The following SUPT5H variants were observed in gnomAD, a reference collection of about 807,000 sequenced individuals.
SUPT5H encodes the protein SPT5 homolog, DSIF elongation factor subunit, also known as transcription elongation factor SPT5.
In SUPT5H, 24 loss-of-function variants were observed where a neutral mutation model predicts 142.5. That is an observed-to-expected ratio of 0.17 (90% CI 0.12 to 0.24). The LOEUF is 0.24. Among genes scored for constraint, SUPT5H ranks in the 10% least tolerant of loss-of-function variants. The pLI is 1.00. For missense variants in SUPT5H, 893 were observed against 1,471.8 expected (o/e 0.61, Z 6.43); for synonymous variants, 546 against 553.0 (o/e 0.99, Z 0.18).
chr19:39,458,100 G>A lies in SUPT5H; in HGVS notation c.308-194G>A. 6 of 960,458 alleles carry A rather than the reference G, an allele frequency of 6.2e-6. No individual in the cohort carries two copies. The allele number at this position is 960,458 out of a possible 1,614,324, so 59.5% of individuals were successfully genotyped here. On this transcript the variant is annotated intron_variant, in intron 4 of 29. Transcript: ENST00000432763. The surrounding 1 kb of genome is among the most constrained non-coding windows in gnomAD (Gnocchi z 4.2). ...CGTTCTGTGCGCCTCATACATTTCG[G>A]CTTCTCCCCAACCACCTGGTGCCTG...
chr19:39,446,162 C>G lies in SUPT5H; in HGVS notation c.75+197C>G, dbSNP rs78506322. 5.8e-3 allele frequency among the ~76,000 whole-genome samples: 878 copies of G among 152,116 alleles called. 12 individuals are homozygous for G. The highest frequency in any genetic ancestry group is 0.02 in the African/African-American group (849 of 41,488). On this transcript the variant is annotated intron_variant, in intron 2 of 29. Transcript: ENST00000432763. ...TCTGGAGGCCAGAAATGGGTCAGGT[C>G]CAGTGAGATAACAGGTGATGTTTTG...
chr19:39,454,750 A>G (rs781121636), intron 3 of SUPT5H, among the ~76,000 whole-genome samples: 2 of 152,126 alleles, frequency 1.3e-5, no homozygotes, highest in Non-Finnish European at 2.9e-5. Context: ...GTTTTCCCTT[A>G]CCTATGGGAA....
At chr19:39,459,842 T>A (rs1057228340) in intron 9 of SUPT5H, 50 bp from the exon 10 acceptor site, 4 of 1,595,520 alleles carry the variant, frequency 2.5e-6, no homozygotes, top group Non-Finnish European at 3.4e-6. Flanking sequence ...CTTTCCTGTG[T>A]CCTTTCCTCC....
chr19:39,452,707 A>G lies in SUPT5H; in HGVS notation c.76-649A>G, dbSNP rs534693045. On this transcript the variant is annotated intron_variant, in intron 2 of 29. Transcript: ENST00000432763. Reference sequence around the variant, plus strand: ...GGGAGAGGACGAGATGGCCTTGGGGAGTTGTAGAATGGGAAGAGATGGGCC... The same window carrying G: ...GGGAGAGGACGAGATGGCCTTGGGGGGTTGTAGAATGGGAAGAGATGGGCC... Among the ~76,000 whole-genome samples, 30 of 151,992 alleles carry G rather than the reference A, an allele frequency of 2.0e-4. No homozygotes were observed. The South Asian group carries it at 5.6e-3, about 28-fold the overall frequency.
chr19:39,460,214 C>T (rs2146097542), intron 10 of SUPT5H: 2 of 492,532 alleles, frequency 4.1e-6, no homozygotes, highest in East Asian at 7.3e-5. Flanking sequence ...AGCCAGCTAG[C>T]TTCCTGCACC....
chr19:39,452,247 T>C (rs2079030910), intron 2 of SUPT5H, among the ~76,000 whole-genome samples: 1 of 152,146 alleles, frequency 6.6e-6, no homozygotes, highest in Admixed American at 6.6e-5. Flanking sequence ...AGGATGCTGC[T>C]GGTGCATGGA....
At chr19:39,455,633 T>TG (rs1325883414) in intron 3 of SUPT5H, among the ~76,000 whole-genome samples, 1 of 151,724 alleles carries the variant, frequency 6.6e-6, no homozygotes, top group Non-Finnish European at 1.5e-5. Flanking sequence ...TCTTCTTTTT[T>TG]TTTTTTTGAG....
intron 10 of SUPT5H, among the ~76,000 whole-genome samples, chr19:39,462,324 A>C (rs900308498): frequency 6.6e-6 from 1 of 152,130 alleles, no homozygotes; most frequent in African/African-American, 2.4e-5. Flanking sequence ...AAATAAACCG[A>C]TACCCATTAG....
Position 39,471,343 on chromosome 19 carries a change from C to T in SUPT5H, c.1678-14C>T, listed in dbSNP as rs769164951. The T allele has an allele frequency of 1.9e-6, 3 of 1,614,160 alleles. No homozygotes were observed. Among genetic ancestry groups the T allele is most frequent in the South Asian group, 1.1e-5 (1 of 91,078 alleles). ...CATTCTCACCCCCACAGCCTCCCTGCTCTCCCTCTGTAGGTGCTGAACATG... is the reference window on the plus strand; with the variant it reads ...CATTCTCACCCCCACAGCCTCCCTGTTCTCCCTCTGTAGGTGCTGAACATG... On this transcript the variant is annotated splice_polypyrimidine_tract_variant and intron_variant, in intron 18 of 29. Transcript: ENST00000432763.
In SUPT5H at chr19:39,470,032, C is replaced by A. The variant is rs1221532102; in HGVS notation, c.1375-87C>A. The A allele has an allele frequency of 1.3e-6, 2 of 1,520,602 alleles. No individual in the cohort carries two copies. Among genetic ancestry groups the A allele is most frequent in the Non-Finnish European group, 1.8e-6 (2 of 1,119,444 alleles). The allele number at this position is 1,520,602 out of a possible 1,614,324, so 94.2% of individuals were successfully genotyped here. On this transcript the variant is annotated intron_variant, in intron 16 of 29. Coordinates refer to ENST00000432763, the MANE Select transcript of SUPT5H (RefSeq NM_001111020.3). This position sits in a 1 kb window ranked among gnomAD's most constrained non-coding sequence, Gnocchi z 5.8. ...GAGCCTGAAGTGGGGTTTTTGAGAACATGCGTAGATTCTGAAGACAGGAGG... is the reference window on the plus strand; with the variant it reads ...GAGCCTGAAGTGGGGTTTTTGAGAAAATGCGTAGATTCTGAAGACAGGAGG...
Position 39,476,319 on chromosome 19 carries a change from G to T in SUPT5H, c.3184G>T (p.Asp1062Tyr). 6.2e-7 allele frequency: 1 copy of T among 1,614,160 alleles called. No homozygotes were observed. The highest frequency in any genetic ancestry group is 8.5e-7 in the Non-Finnish European group (1 of 1,180,034). ...CGTCCTACTGAGCATTGATGGTGAGGATGGCATTGTCCGTATGGACCTTGA... is the reference window on the plus strand; with the variant it reads ...CGTCCTACTGAGCATTGATGGTGAGTATGGCATTGTCCGTATGGACCTTGA... ...TGVLLSIDGE[D>Y]GIVRMDLDEQ... is the part of the protein sequence containing the mutation. Residue 1062 changes from aspartate to tyrosine, a missense_variant, in exon 30 of 30, where the codon GAT becomes TAT. By Grantham distance (160) the Asp-to-Tyr change is radical (BLOSUM62 -3). Coordinates refer to ENST00000432763, the MANE Select transcript of SUPT5H (RefSeq NM_001111020.3).
chr19:39,471,818 C>T, intron 20 of SUPT5H, 88 bp downstream of exon 20: 2 of 1,505,556 alleles, frequency 1.3e-6, no homozygotes, highest in Middle Eastern at 2.0e-4. Context: ...TAAGATTGGG[C>T]TTGTGAGGGA....
chr19:39,450,565 G>C (rs893915038), intron 2 of SUPT5H, among the ~76,000 whole-genome samples: 2 of 152,242 alleles, frequency 1.3e-5, no homozygotes, highest in African/African-American at 4.8e-5. Context: ...GGTGGGGAAC[G>C]GGGAGAGGCA....
Position 39,471,682 on chromosome 19 carries a change from C to A in SUPT5H, c.1902C>A (p.Gly634=), listed in dbSNP as rs559817184. 2 of 1,614,178 alleles carry A rather than the reference C, an allele frequency of 1.2e-6. No homozygotes were observed. Among genetic ancestry groups the A allele is most frequent in the African/African-American group, 1.3e-5 (1 of 75,056 alleles). Residue 634 remains glycine (G), a synonymous_variant, in exon 20 of 30, where the codon GGC becomes GGA. Coordinates refer to ENST00000432763, the MANE Select transcript of SUPT5H (RefSeq NM_001111020.3). ...LHCKKLVENG[G]MFVCKTRHLV... ...GCAAGAAACTGGTGGAGAACGGGGGCATGTTTGTCTGCAAGACCCGCCACC... is the reference window on the plus strand; with the variant it reads ...GCAAGAAACTGGTGGAGAACGGGGGAATGTTTGTCTGCAAGACCCGCCACC...
rs373099816 is a variant in SUPT5H, at chr19:39,472,755, GC to G, written c.2036-52del. 13 of 1,572,450 alleles carry G rather than the reference GC, an allele frequency of 8.3e-6. No individual in the cohort carries two copies. The African/African-American group carries it at 1.8e-4, about 21-fold the overall frequency. ...CAAGTGAAGGGGACGTTCTGATGGT[GC>G]CCTTGCTGTGGGCACAGCCGTGGGG... is the stretch of plus-strand genomic sequence containing the variant. On this transcript the variant is annotated intron_variant, in intron 21 of 29. Coordinates refer to ENST00000432763, the MANE Select transcript of SUPT5H (RefSeq NM_001111020.3). The surrounding 1 kb of genome is among the most constrained non-coding windows in gnomAD (Gnocchi z 4.2).
intron 10 of SUPT5H, among the ~76,000 whole-genome samples, chr19:39,460,899 C>T (rs1046769055): frequency 6.6e-6 from 1 of 152,106 alleles, no homozygotes; most frequent in Non-Finnish European, 1.5e-5. Flanking sequence ...CATGCTTTCA[C>T]CTGTCCAGCC....
In SUPT5H at chr19:39,472,536, G is replaced by A. The variant is rs755034029; in HGVS notation, c.2035+43G>A. On this transcript the variant is annotated intron_variant, in intron 21 of 29. Transcript: ENST00000432763. The surrounding 1 kb of genome is among the most constrained non-coding windows in gnomAD (Gnocchi z 4.2). ...TCAGGGGATGTGGTGGGTAGAAGGG[G>A]CTGGAAGGAACTTGGTTGTTCAGCC... 1.9e-6 allele frequency: 3 copies of A among 1,604,710 alleles called. No homozygotes were observed. In the South Asian group the frequency reaches 3.3e-5, roughly 18 times the overall value.
chr19:39,464,670 C>T, intron 10 of SUPT5H, 128 bp from the exon 11 acceptor site: 4 of 1,356,816 alleles, frequency 2.9e-6, no homozygotes, highest in Non-Finnish European at 4.0e-6. Context: ...CCTTTGTGTC[C>T]ATGTCATTGT....
At chr19:39,463,777 T>C (rs1012753769) in intron 10 of SUPT5H, among the ~76,000 whole-genome samples, 4 of 152,210 alleles carry the variant, frequency 2.6e-5, no homozygotes, top group African/African-American at 7.2e-5. Context: ...TACTGTTGAG[T>C]TGTCAGTTTC....
Sources: gnomAD v4.1 joint callset for allele counts (sites outside exome capture counted in the v4.1 genomes callset) on GRCh38, gnomAD v4.1.1 for gene constraint, Gnocchi (gnomAD v3.1) non-coding constraint, MANE v1.5 for transcripts, NCBI Gene and HGNC (gene_info 2026-07-23, HGNC 2026-07-21) for gene names.